Variants in LCORL observed in about 807,000 individuals in gnomAD.
LCORL encodes ligand dependent nuclear receptor corepressor like.
In LCORL, 41 loss-of-function variants were observed where a neutral mutation model predicts 141.8. The observed-to-expected ratio is 0.29, with a 90% CI of 0.23 to 0.38. LCORL has a LOEUF of 0.38. Ranked by LOEUF, LCORL falls within the 10% of genes least tolerant of loss-of-function variation. The probability of loss-of-function intolerance (pLI) is 1.00; values close to 1 mark genes in which losing one functional copy is unlikely to be tolerated. For synonymous variants in LCORL, 618 were observed against 694.1 expected (o/e 0.89, Z 1.72); for missense variants, 1,759 against 2,035.0 (o/e 0.86, Z 2.61).
At position 17,908,502 on chromosome 4, in the gene LCORL, G is replaced by A. The variant is rs569800755; in HGVS notation, c.682+592C>T. On this transcript the variant is annotated intron_variant, in intron 5 of 7. Coordinates refer to ENST00000635767, the Ensembl canonical transcript of LCORL. Reference sequence around the variant, plus strand: ...GTTCTGATAAACACTTAAGTCCTTCGCACACACTTAAAAGGCTCTTCTTCT... The same window carrying A: ...GTTCTGATAAACACTTAAGTCCTTCACACACACTTAAAAGGCTCTTCTTCT... Among the ~76,000 whole-genome samples the A allele has an allele frequency of 3.9e-5, 6 of 152,058 alleles. No individual in the cohort carries two copies. The East Asian group carries it at 9.7e-4, about 24-fold the overall frequency.
chr4:17,848,938 A>G lies in LCORL; in HGVS notation c.5603-3037T>C, dbSNP rs566141635. Among the ~76,000 whole-genome samples, 290 of 152,336 alleles carry G rather than the reference A, an allele frequency of 1.9e-3. 1 individual carries two copies. The highest frequency in any genetic ancestry group is 6.8e-3 in the African/African-American group (282 of 41,574). Reference sequence around the variant, plus strand: ...GAGTCTCGCTGATTGCTAGCACAGCAGTCTGAGATCAAACTGCAAGGCAGC... The same window carrying G: ...GAGTCTCGCTGATTGCTAGCACAGCGGTCTGAGATCAAACTGCAAGGCAGC... On this transcript the variant is annotated intron_variant, in intron 7 of 7. Transcript: ENST00000635767.
chr4:17,976,234 G>A (rs945864084), intron 1 of LCORL, among the ~76,000 whole-genome samples: 10 of 152,120 alleles, frequency 6.6e-5, no homozygotes, highest in African/African-American at 2.4e-4. Context: ...TTTGAGGACA[G>A]TGTTTTAGAC....
At chr4:18,010,436 A>ATATG (rs1481703529) in intron 1 of LCORL, among the ~76,000 whole-genome samples, 1 of 151,908 alleles carries the variant, frequency 6.6e-6, no homozygotes, top group Non-Finnish European at 1.5e-5. Context: ...ATGTATGTAT[A>ATATG]TATGTATGTA....
At chr4:17,895,393 A>G (rs926550052) in intron 5 of LCORL, among the ~76,000 whole-genome samples, 3 of 152,070 alleles carry the variant, frequency 2.0e-5, no homozygotes, top group Admixed American at 1.3e-4. Flanking sequence ...CACATGAGTG[A>G]CAAATACACA....
At chr4:17,913,562 C>T (rs1439577111) in intron 4 of LCORL, among the ~76,000 whole-genome samples, 1 of 152,134 alleles carries the variant, frequency 6.6e-6, no homozygotes, top group Non-Finnish European at 1.5e-5. Context: ...AAAGAAATAA[C>T]GTCTGTTTAT....
intron 4 of LCORL, among the ~76,000 whole-genome samples, chr4:17,922,909 A>G (rs1734522394): frequency 2.0e-5 from 3 of 152,204 alleles, no homozygotes; most frequent in Admixed American, 1.3e-4. Flanking sequence ...GGCAGCCATC[A>G]GCATTTCCAC....
Position 18,021,020 on chromosome 4 carries a change from C to A in LCORL, c.154+578G>T, listed in dbSNP as rs1226789425. On this transcript the variant is annotated intron_variant, in intron 1 of 7. Transcript: ENST00000635767. This position sits in a 1 kb window ranked among gnomAD's most constrained non-coding sequence, Gnocchi z 5.5. ...CCCCCCGCCCCTCGGACGACGCCCC[C>A]GCCGCCCCTCGCCCCCAGCCGGCCC... Among the ~76,000 whole-genome samples the A allele has an allele frequency of 6.6e-6, 1 of 152,124 alleles. No individual in the cohort carries two copies. The highest frequency in any genetic ancestry group is 1.5e-5 in the Non-Finnish European group (1 of 67,984).
At chr4:17,871,144 C>A (rs1726288581) in intron 7 of LCORL, among the ~76,000 whole-genome samples, 1 of 150,790 alleles carries the variant, frequency 6.6e-6, no homozygotes, top group Admixed American at 6.6e-5. Context: ...GTATGAGATA[C>A]CAAGAATGAG....
At chr4:17,948,546 A>T (rs1348057813) in intron 4 of LCORL, among the ~76,000 whole-genome samples, 1 of 152,038 alleles carries the variant, frequency 6.6e-6, no homozygotes, top group Non-Finnish European at 1.5e-5. Flanking sequence ...TGTATCTGGA[A>T]GTTGATAACC....
intron 1 of LCORL, among the ~76,000 whole-genome samples, chr4:18,010,694 T>C (rs898605367): frequency 6.6e-6 from 1 of 152,152 alleles, no homozygotes; most frequent in Non-Finnish European, 1.5e-5. Context: ...TCATATGATC[T>C]GCCTGTCTCA....
At chr4:17,918,676 G>C (rs1344953978) in intron 4 of LCORL, among the ~76,000 whole-genome samples, 1 of 152,190 alleles carries the variant, frequency 6.6e-6, no homozygotes, top group Non-Finnish European at 1.5e-5. Flanking sequence ...AAGATGCAGA[G>C]GGTAGGTAAA....
chr4:17,982,758 A>C (rs1055657415), intron 1 of LCORL, among the ~76,000 whole-genome samples: 1 of 152,094 alleles, frequency 6.6e-6, no homozygotes, highest in Non-Finnish European at 1.5e-5. Flanking sequence ...TGCTGTGCAG[A>C]AGCTCTTTAA....
chr4:17,854,399 G>T (rs1724119140), intron 7 of LCORL, among the ~76,000 whole-genome samples: 1 of 152,150 alleles, frequency 6.6e-6, no homozygotes. Context: ...GACAATCAAA[G>T]ATATCCGTGT....
At chr4:17,963,193 T>C in intron 2 of LCORL, 144 bp from the exon 3 acceptor site, 1 of 455,930 alleles carries the variant, frequency 2.2e-6, no homozygotes, top group Non-Finnish European at 4.0e-6. Context: ...AAAATTAAAC[T>C]CACAACATCT....
chr4:17,907,377 T>C (rs370400848), intron 5 of LCORL, among the ~76,000 whole-genome samples: 21 of 152,174 alleles, frequency 1.4e-4, no homozygotes, highest in African/African-American at 5.1e-4. Flanking sequence ...CAAATTACAA[T>C]TGAAGAAATT....
intron 2 of LCORL, among the ~76,000 whole-genome samples, chr4:17,969,394 T>C (rs1303500569): frequency 1.3e-5 from 2 of 152,166 alleles, no homozygotes; most frequent in African/African-American, 4.8e-5. Flanking sequence ...CTGGAGGTGG[T>C]TGCGAATTAA....
intron 4 of LCORL, among the ~76,000 whole-genome samples, chr4:17,956,126 G>T (rs1712577407): frequency 6.6e-6 from 1 of 152,118 alleles, no homozygotes; most frequent in Non-Finnish European, 1.5e-5. Context: ...TTTTACCCCA[G>T]TTAGACTGGG....
At chr4:17,896,985 G>T (rs577265844) in intron 5 of LCORL, among the ~76,000 whole-genome samples, 1 of 151,790 alleles carries the variant, frequency 6.6e-6, no homozygotes, top group African/African-American at 2.4e-5. Flanking sequence ...TTGTCCTTCT[G>T]TGCCTGATTT....
At chr4:17,848,707 C>T (rs975463201) in intron 7 of LCORL, among the ~76,000 whole-genome samples, 4 of 152,164 alleles carry the variant, frequency 2.6e-5, no homozygotes, top group South Asian at 2.1e-4. Flanking sequence ...GCACCGTGTG[C>T]GAGCCGAAGC....
Sources: gnomAD v4.1 joint callset for allele counts (sites outside exome capture counted in the v4.1 genomes callset) on GRCh38, gnomAD v4.1.1 for gene constraint, Gnocchi (gnomAD v3.1) non-coding constraint, MANE v1.5 for transcripts, NCBI Gene and HGNC (gene_info 2026-07-23, HGNC 2026-07-21) for gene names.